Variants in QSOX2 observed in about 807,000 individuals in gnomAD.
The protein encoded by QSOX2 is sulfhydryl oxidase 2.
In QSOX2, 46 loss-of-function variants were observed where a neutral mutation model predicts 61.7. The observed-to-expected ratio is 0.75, with a 90% CI of 0.59 to 0.95. The LOEUF (loss-of-function observed/expected upper bound fraction) is 0.95, where lower values mean the gene tolerates loss of function less well. Ranked by LOEUF, QSOX2 falls within the 40% of genes least tolerant of loss-of-function variation. The probability of loss-of-function intolerance (pLI) is 0.00; values close to 1 mark genes in which losing one functional copy is unlikely to be tolerated. For synonymous variants in QSOX2, 383 were observed against 388.4 expected (o/e 0.99, Z 0.16); for missense variants, 879 against 918.9 (o/e 0.96, Z 0.56).
At chr9:136,228,283 A>G (rs1404082182) in intron 1 of QSOX2, among the ~76,000 whole-genome samples, 2 of 152,114 alleles carry the variant, frequency 1.3e-5, no homozygotes, top group Non-Finnish European at 2.9e-5. Context: ...GCTCATGATG[A>G]GCTGGGACAA....
Position 136,207,424 on chromosome 9 carries a change from C to G in QSOX2, c.*1304G>C, listed in dbSNP as rs1831781782. 6.6e-6 allele frequency: 1 copy of G among 150,950 alleles called. No homozygotes were observed. Among genetic ancestry groups the G allele is most frequent in the Non-Finnish European group, 1.5e-5 (1 of 67,838 alleles). The allele number at this position is 150,950 out of a possible 1,614,324, so 9.4% of individuals were successfully genotyped here. The stretch of plus-strand genomic sequence containing the variant: ...ACACGGGCACACAAATACATCTGAG[C>G]CTATTTTAGCCAAATCAAATTTTGC... On this transcript the variant is annotated 3_prime_UTR_variant, in exon 12 of 12. Coordinates refer to ENST00000358701, the MANE Select transcript of QSOX2 (RefSeq NM_181701.4).
chr9:136,219,327 G>T (rs553464144), intron 6 of QSOX2, among the ~76,000 whole-genome samples, 163 bp from the exon 7 acceptor site: 1 of 152,340 alleles, frequency 6.6e-6, no homozygotes, highest in East Asian at 1.9e-4. Context: ...CTGGGCTCCG[G>T]CTGCGCTTCC....
intron 2 of QSOX2, among the ~76,000 whole-genome samples, chr9:136,225,330 T>C (rs1721720962): frequency 6.6e-6 from 1 of 152,228 alleles, no homozygotes; most frequent in African/African-American, 2.4e-5. Context: ...GATTAGGTTC[T>C]TATGTTAACA....
intron 11 of QSOX2, chr9:136,210,529 A>C (rs947558929): frequency 2.4e-5 from 24 of 985,338 alleles, no homozygotes; most frequent in Non-Finnish European, 2.3e-5. Flanking sequence ...CAGGGCGGAG[A>C]GACGGAGAAG....
At position 136,245,587 on chromosome 9, in the gene QSOX2, C is replaced by T. The variant is rs1268553798; in HGVS notation, c.217G>A (p.Gly73Arg). The T allele has an allele frequency of 1.3e-6, 2 of 1,575,618 alleles. No individual in the cohort carries two copies. Among genetic ancestry groups the T allele is most frequent in the Admixed American group, 1.7e-5 (1 of 58,044 alleles). ...VWVLDSGSVR[G>R]ATANSSAAWL... ...GCGGCCGAGCTGTTGGCGGTGGCCCCGCGCACGCTGCCGCTGTCCAGCACC... is the reference window on the plus strand; with the variant it reads ...GCGGCCGAGCTGTTGGCGGTGGCCCTGCGCACGCTGCCGCTGTCCAGCACC... The change falls in exon 1 of 12, where the codon GGG (glycine) becomes AGG (arginine). Residue 73 changes from glycine (G) to arginine (R), a missense_variant. Gly to Arg is a moderately radical substitution (Grantham distance 125). Coordinates refer to ENST00000358701, the MANE Select transcript of QSOX2 (RefSeq NM_181701.4).
rs75650729 is a variant in QSOX2 at position 136,223,075 on chromosome 9, C to T, written c.675+688G>A. On this transcript the variant is annotated intron_variant, in intron 5 of 11. Transcript: ENST00000358701. This position sits in a 1 kb window ranked among gnomAD's most constrained non-coding sequence, Gnocchi z 4.4. ...TCCCAAGTGCGTCTCCAAAAGCCCTCGCAGGGGCAAAGCTGTTTCCTACAT... is the reference window on the plus strand; with the variant it reads ...TCCCAAGTGCGTCTCCAAAAGCCCTTGCAGGGGCAAAGCTGTTTCCTACAT... Among the ~76,000 whole-genome samples, 1 of 152,332 alleles carries T rather than the reference C, an allele frequency of 6.6e-6. No individual in the cohort carries two copies. The highest frequency in any genetic ancestry group is 1.9e-4 in the East Asian group (1 of 5,180).
chr9:136,224,130 G>A lies in QSOX2; in HGVS notation c.479-18C>T, dbSNP rs776062948. ...GTCAGGTCCTGCCGGAAGCACACCA[G>A]GGTCAGAGCTGTGTGTGCGGCTGTC... On this transcript the variant is annotated intron_variant, in intron 3 of 11. Coordinates refer to ENST00000358701, the MANE Select transcript of QSOX2 (RefSeq NM_181701.4). 1.3e-6 allele frequency: 2 copies of A among 1,599,110 alleles called. No homozygotes were observed. Among genetic ancestry groups the A allele is most frequent in the African/African-American group, 1.3e-5 (1 of 74,674 alleles).
intron 10 of QSOX2, among the ~76,000 whole-genome samples, chr9:136,213,927 C>T (rs372034150): frequency 2.0e-4 from 31 of 151,914 alleles, no homozygotes; most frequent in African/African-American, 6.8e-4. Flanking sequence ...ACCGCCCAGC[C>T]GAGCCCAGCC....
intron 8 of QSOX2, among the ~76,000 whole-genome samples, chr9:136,217,504 C>T (rs1831928521): frequency 6.6e-6 from 1 of 152,214 alleles, no homozygotes; most frequent in South Asian, 2.1e-4. Flanking sequence ...TATTTTCTCC[C>T]GTGCAGGTTA....
chr9:136,238,874 C>T (rs930159781), intron 1 of QSOX2, among the ~76,000 whole-genome samples: 4 of 152,348 alleles, frequency 2.6e-5, no homozygotes, highest in Admixed American at 1.3e-4. Context: ...TCCTTTTAGC[C>T]GGGCGTGGTG....
chr9:136,245,371 T>G, intron 1 of QSOX2, 105 bp downstream of exon 1: 1 of 938,162 alleles, frequency 1.1e-6, no homozygotes, highest in African/African-American at 1.8e-5. Context: ...AGGAAAGAAA[T>G]ACGGGGGAGG....
Position 136,221,027 on chromosome 9 carries a change from T to C in QSOX2, c.821+769A>G, listed in dbSNP as rs1042186076. 1.3e-5 allele frequency among the ~76,000 whole-genome samples: 2 copies of C among 152,240 alleles called. No individual in the cohort carries two copies. The highest frequency in any genetic ancestry group is 2.9e-5 in the Non-Finnish European group (2 of 68,040). On this transcript the variant is annotated intron_variant, in intron 6 of 11. Transcript: ENST00000358701. This position sits in a 1 kb window ranked among gnomAD's most constrained non-coding sequence, Gnocchi z 4.5. ...GTTGTTTACTTTTTCATTGGGCTTA[T>C]CCGAGGGGCACACAGGCACTCCACG...
Position 136,209,354 on chromosome 9 carries a change from C to T in QSOX2, c.1550-79G>A. The T allele has an allele frequency of 6.5e-7, 1 of 1,546,976 alleles. No homozygotes were observed. The highest frequency in any genetic ancestry group is 8.7e-7 in the Non-Finnish European group (1 of 1,145,576). On this transcript the variant is annotated intron_variant, in intron 11 of 11. Coordinates refer to ENST00000358701, the MANE Select transcript of QSOX2 (RefSeq NM_181701.4). The surrounding 1 kb of genome is among the most constrained non-coding windows in gnomAD (Gnocchi z 5.6). The stretch of plus-strand genomic sequence containing the variant: ...CGTGCAGCGTGCGGCAACCGGACTC[C>T]CACTCCCACCCACCACGGGCCTCCA...
intron 9 of QSOX2, among the ~76,000 whole-genome samples, chr9:136,216,186 C>T (rs1021169273): frequency 1.3e-5 from 2 of 152,242 alleles, no homozygotes; most frequent in African/African-American, 4.8e-5. Flanking sequence ...GTGCCAGGAC[C>T]TCTTGGGGTG....
At chr9:136,233,903 A>G (rs1388919951) in intron 1 of QSOX2, among the ~76,000 whole-genome samples, 1 of 152,248 alleles carries the variant, frequency 6.6e-6, no homozygotes, top group East Asian at 1.9e-4. Context: ...CTGGGACCAC[A>G]CAGAAACCGT....
chr9:136,245,500 G>C lies in QSOX2; in HGVS notation c.304C>G (p.Arg102Gly). The part of the protein sequence containing the change: ...GHCIGYAPTW[R>G]ALAGDVRDWA... The stretch of plus-strand genomic sequence containing the variant: ...CCTCGCACATCCCCAGCCAGGGCCC[G>C]CCAAGTGGGCGCGTAGCCGATGCAG... The change falls in exon 1 of 12, where the codon CGG becomes GGG. Residue 102 changes from arginine (R) to glycine (G), a missense_variant. Physicochemically the swap from Arg to Gly is moderately radical, Grantham distance 125. Coordinates refer to ENST00000358701, the MANE Select transcript of QSOX2 (RefSeq NM_181701.4). 6.3e-7 allele frequency: 1 copy of C among 1,593,032 alleles called. No individual in the cohort carries two copies. The highest frequency in any genetic ancestry group is 8.5e-7 in the Non-Finnish European group (1 of 1,177,028).
At chr9:136,238,915 C>T (rs111561884) in intron 1 of QSOX2, among the ~76,000 whole-genome samples, 5 of 152,328 alleles carry the variant, frequency 3.3e-5, no homozygotes, top group African/African-American at 9.6e-5. Flanking sequence ...CTACTTAGGA[C>T]GCTGAGGCAG....
At position 136,210,499 on chromosome 9, in the gene QSOX2, G is replaced by A. The variant is rs577906123; in HGVS notation, c.1549+765C>T. The A allele has an allele frequency of 1.9e-4, 191 of 985,448 alleles. No individual in the cohort carries two copies. In the African/African-American group the frequency reaches 3.0e-3, roughly 15 times the overall value. The allele number at this position is 985,448 out of a possible 1,614,324, so 61.0% of individuals were successfully genotyped here. A position where few individuals can be genotyped will look rare whatever the true frequency, so the allele number is the denominator to read the frequency against. On this transcript the variant is annotated intron_variant, in intron 11 of 11. Transcript: ENST00000358701. ...GGAAAGCACAGGGAGCTCTGTGGGC[G>A]GCGGCGATGCAGAGGCTGCCAGGGC...
In QSOX2 at chr9:136,209,214, T is replaced by C. The variant is rs202077250; in HGVS notation, c.1611A>G (p.Pro537=). The C allele has an allele frequency of 5.0e-5, 80 of 1,613,968 alleles. No homozygotes were observed. In the Admixed American group the frequency reaches 1.3e-3, roughly 27 times the overall value. The part of the protein sequence containing the change: ...KLQWPTPDLC[P]ACHEEIKGLA... ...GGCCCTTAATTTCCTCATGGCAGGC[T>C]GGGCAGAGGTCCGGAGTGGGCCACT... The change falls in exon 12 of 12, where the codon CCA becomes CCG. Residue 537 remains proline, a synonymous_variant. Coordinates refer to ENST00000358701, the MANE Select transcript of QSOX2 (RefSeq NM_181701.4). This position sits in a 1 kb window ranked among gnomAD's most constrained non-coding sequence, Gnocchi z 5.6.
Sources: allele counts gnomAD v4.1 joint callset (sites outside exome capture counted in the v4.1 genomes callset), GRCh38; gene constraint gnomAD v4.1.1; non-coding constraint Gnocchi (gnomAD v3.1); transcripts MANE v1.5; gene names NCBI Gene and HGNC (gene_info 2026-07-23, HGNC 2026-07-21).